Variants in CTNND2 observed in about 807,000 individuals in gnomAD.
CTNND2 encodes the protein catenin delta-2.
CTNND2 carries 22 observed loss-of-function variants against 144.4 expected under a neutral mutation model. That is an observed-to-expected ratio of 0.15 (90% CI 0.11 to 0.22). The LOEUF (loss-of-function observed/expected upper bound fraction) is 0.22. CTNND2 is among the 10% of genes least tolerant of loss of function. The pLI is 1.00. For synonymous variants in CTNND2, 751 were observed against 695.6 expected, an observed-to-expected ratio of 1.08 and a Z score of -1.25; for missense variants, 1,353 against 1,618.8, an observed-to-expected ratio of 0.84 and a Z score of 2.82.
At chr5:11,874,386 A>G (rs761070309) in intron 1 of CTNND2, among the ~76,000 whole-genome samples, 7 of 152,214 alleles carry the variant, frequency 4.6e-5, no homozygotes, top group Non-Finnish European at 7.3e-5. Context: ...CATACCTATG[A>G]TAAAGTGAAA....
In CTNND2 at chr5:11,112,013, A is replaced by AT. The variant is rs538941858; in HGVS notation, c.2278-971dup. ...AGGCACCCGCCACTACGCCCAGCTA[A>AT]TTTTTTTTTGTATTTTTAGTAGAGA... On this transcript the variant is annotated intron_variant, in intron 13 of 21. Transcript: ENST00000304623. Among the ~76,000 whole-genome samples the AT allele has an allele frequency of 4.7e-3, 705 of 151,278 alleles. 5 individuals carry two copies. Among genetic ancestry groups the AT allele is most frequent in the African/African-American group, 0.016 (651 of 41,308 alleles).
chr5:11,705,094 A>G (rs1169378950), intron 2 of CTNND2, among the ~76,000 whole-genome samples: 1 of 152,132 alleles, frequency 6.6e-6, no homozygotes, highest in Non-Finnish European at 1.5e-5. Context: ...AATAGCCACA[A>G]GCTTTTGAAG....
At chr5:11,648,969 T>C (rs908048618) in intron 2 of CTNND2, among the ~76,000 whole-genome samples, 2 of 152,238 alleles carry the variant, frequency 1.3e-5, no homozygotes, top group African/African-American at 4.8e-5. Flanking sequence ...TAACACATTT[T>C]TGCGTCTAAG....
At chr5:11,697,924 G>A (rs1461951805) in intron 2 of CTNND2, among the ~76,000 whole-genome samples, 1 of 152,168 alleles carries the variant, frequency 6.6e-6, no homozygotes, top group Admixed American at 6.5e-5. Flanking sequence ...AGATTTCTCT[G>A]TTCCTGTAAG....
chr5:11,027,388 A>G (rs1191781149), intron 16 of CTNND2: 2 of 152,190 alleles, frequency 1.3e-5, no homozygotes, highest in African/African-American at 4.8e-5. Context: ...TACCACAAAC[A>G]AAGTCACTCT....
At chr5:11,419,835 C>T (rs377041620) in intron 3 of CTNND2, among the ~76,000 whole-genome samples, 2 of 152,206 alleles carry the variant, frequency 1.3e-5, no homozygotes, top group Non-Finnish European at 2.9e-5. Flanking sequence ...CAAATATACT[C>T]TTATTGTCTT....
intron 11 of CTNND2, among the ~76,000 whole-genome samples, chr5:11,176,925 C>A (rs1484422200): frequency 6.6e-6 from 1 of 152,166 alleles, no homozygotes; most frequent in African/African-American, 2.4e-5. Flanking sequence ...ACAGATTTAG[C>A]AACAAATGAC....
Position 11,603,237 on chromosome 5 carries a change from T to G in CTNND2, c.175-38181A>C, listed in dbSNP as rs10223115. On this transcript the variant is annotated intron_variant, in intron 2 of 21. Coordinates refer to ENST00000304623, the MANE Select transcript of CTNND2 (RefSeq NM_001332.4). Reference sequence around the variant, plus strand: ...AAATCTACTGAACAGATTCCATGTATACTTAGTATATTAAAATGTTGCCCA... The same window carrying G: ...AAATCTACTGAACAGATTCCATGTAGACTTAGTATATTAAAATGTTGCCCA... Among the ~76,000 whole-genome samples, 1,019 of 152,292 alleles carry G rather than the reference T, an allele frequency of 6.7e-3. 15 individuals are homozygous for G. Among genetic ancestry groups the G allele is most frequent in the African/African-American group, 0.023 (957 of 41,568 alleles).
At chr5:11,244,967 A>G (rs900774614) in intron 9 of CTNND2, among the ~76,000 whole-genome samples, 1 of 152,256 alleles carries the variant, frequency 6.6e-6, no homozygotes, top group Non-Finnish European at 1.5e-5. Context: ...GGCAACTCAG[A>G]CAAATTATAT....
intron 9 of CTNND2, among the ~76,000 whole-genome samples, chr5:11,246,966 C>T (rs2149922549): frequency 6.6e-6 from 1 of 152,270 alleles, no homozygotes; most frequent in South Asian, 2.1e-4. Context: ...CATCGCAGGC[C>T]TCTGGCTTCT....
At chr5:11,737,352 C>T (rs938902235) in intron 1 of CTNND2, among the ~76,000 whole-genome samples, 19 of 152,212 alleles carry the variant, frequency 1.2e-4, no homozygotes, top group African/African-American at 4.3e-4. Flanking sequence ...CTGTACAGCA[C>T]TTCTTGCTAC....
intron 1 of CTNND2, among the ~76,000 whole-genome samples, chr5:11,896,374 G>T (rs1737394720): frequency 1.3e-5 from 2 of 152,156 alleles, no homozygotes; most frequent in South Asian, 2.1e-4. Flanking sequence ...AACCATGCAT[G>T]AATTTTAACT....
At chr5:11,404,533 T>C (rs1240493060) in intron 5 of CTNND2, among the ~76,000 whole-genome samples, 2 of 150,600 alleles carry the variant, frequency 1.3e-5, no homozygotes, top group African/African-American at 4.9e-5. Flanking sequence ...CATTAAGAGT[T>C]GGTTACATCA....
chr5:11,089,044 T>C (rs9312756), intron 15 of CTNND2, among the ~76,000 whole-genome samples: 4 of 152,188 alleles, frequency 2.6e-5, no homozygotes, highest in Non-Finnish European at 5.9e-5. Context: ...GCTGCTGTTG[T>C]TTTTGCTTCC....
intron 9 of CTNND2, among the ~76,000 whole-genome samples, chr5:11,327,584 T>C (rs1459775754): frequency 6.6e-6 from 1 of 152,186 alleles, no homozygotes; most frequent in Non-Finnish European, 1.5e-5. Context: ...CTAAGACTGT[T>C]AAGGTCAAGT....
intron 2 of CTNND2, among the ~76,000 whole-genome samples, chr5:11,667,897 G>C (rs1783663266): frequency 6.6e-6 from 1 of 152,142 alleles, no homozygotes; most frequent in Non-Finnish European, 1.5e-5. Flanking sequence ...TATGGTTTTA[G>C]GTCTTACCTT....
chr5:11,384,736 G>A lies in CTNND2; in HGVS notation c.1106C>T (p.Ser369Phe). The change falls in exon 7 of 22, where the codon TCC becomes TTC. Residue 369 changes from serine to phenylalanine, a missense_variant. Ser to Phe is a radical substitution (Grantham distance 155, BLOSUM62 -2). Coordinates refer to ENST00000304623, the MANE Select transcript of CTNND2 (RefSeq NM_001332.4). The surrounding 1 kb of genome is among the most constrained non-coding windows in gnomAD (Gnocchi z 5.2). ...CTGCGAGTGCTTGCTGTACTGCTCG[G>A]ACGCGTGGACCAGGCGCTTGGTGGG... Reference protein sequence around the residue: ...LSPTKRLVHASEQYSKHSQEL... With the variant: ...LSPTKRLVHAFEQYSKHSQEL... The A allele has an allele frequency of 6.2e-7, 1 of 1,612,790 alleles. No homozygotes were observed.
At chr5:11,857,366 T>C (rs1421590854) in intron 1 of CTNND2, among the ~76,000 whole-genome samples, 1 of 152,158 alleles carries the variant, frequency 6.6e-6, no homozygotes, top group Non-Finnish European at 1.5e-5. Flanking sequence ...CAAGCCTTGT[T>C]TGTACAAGAA....
intron 2 of CTNND2, among the ~76,000 whole-genome samples, chr5:11,658,322 A>T (rs1783018323): frequency 6.6e-6 from 1 of 152,078 alleles, no homozygotes; most frequent in African/African-American, 2.4e-5. Context: ...ACAGGTGAGG[A>T]AAATATAATT....
Sources: allele counts gnomAD v4.1 joint callset (sites outside exome capture counted in the v4.1 genomes callset), GRCh38; gene constraint gnomAD v4.1.1; non-coding constraint Gnocchi (gnomAD v3.1); transcripts MANE v1.5; gene names NCBI Gene and HGNC (gene_info 2026-07-23, HGNC 2026-07-21).